DNAJC5B: variants seen among roughly 807,000 people sequenced by gnomAD.
DNAJC5B encodes dnaJ homolog subfamily C member 5B.
Under a neutral mutation model 24.7 loss-of-function variants are expected in DNAJC5B, and 23 were observed. The observed-to-expected ratio is 0.93, with a 90% CI of 0.67 to 1.32. DNAJC5B has a LOEUF of 1.32. Among genes scored for constraint, DNAJC5B ranks in the 40% most tolerant of loss-of-function variants. DNAJC5B has a pLI of 0.00. For missense variants in DNAJC5B, 238 were observed against 240.8 expected (o/e 0.99, Z 0.08); for synonymous variants, 101 against 90.1 (o/e 1.12, Z -0.68).
At chr8:66,080,889 G>T (rs565168507) in intron 5 of DNAJC5B, among the ~76,000 whole-genome samples, 1 of 152,272 alleles carries the variant, frequency 6.6e-6, no homozygotes, top group South Asian at 2.1e-4. Flanking sequence ...AACCAAGGTA[G>T]AAATTTTTTC....
chr8:66,073,282 A>G (rs1290649335), intron 3 of DNAJC5B, among the ~76,000 whole-genome samples: 1 of 152,184 alleles, frequency 6.6e-6, no homozygotes, highest in Non-Finnish European at 1.5e-5. Context: ...TTAAATGTCA[A>G]AACCACAAAA....
At chr8:66,080,318 G>T (rs1807563277) in intron 4 of DNAJC5B, 59 bp from the exon 5 acceptor site, 1 of 1,567,294 alleles carries the variant, frequency 6.4e-7, no homozygotes, top group South Asian at 1.2e-5. Flanking sequence ...TGATTTCATG[G>T]GTTCTCCCCT....
chr8:66,085,787 C>T (rs1037416234), intron 5 of DNAJC5B, among the ~76,000 whole-genome samples: 1 of 151,838 alleles, frequency 6.6e-6, no homozygotes, highest in Non-Finnish European at 1.5e-5. Flanking sequence ...AGTATCTTTG[C>T]TTTTCCATAT....
In DNAJC5B at chr8:66,080,368, T is replaced by A. The variant is rs1181546995; in HGVS notation, c.334-9T>A. 1 of 1,608,734 alleles carries A rather than the reference T, an allele frequency of 6.2e-7. No individual in the cohort carries two copies. Among genetic ancestry groups the A allele is most frequent in the South Asian group, 1.1e-5 (1 of 90,214 alleles). ...TCATCCTCATTTTGCTTTACCTCTG[T>A]TTCCCTAGGCCCTGTTTGTCATCGT... On this transcript the variant is annotated splice_polypyrimidine_tract_variant and intron_variant, in intron 4 of 5. Coordinates refer to ENST00000276570, the MANE Select transcript of DNAJC5B (RefSeq NM_033105.6).
chr8:66,015,818 G>A, the DNAJC5B span, among the ~76,000 whole-genome samples: 11,894 of 152,138 alleles, frequency 0.078, 567 homozygotes, highest in African/African-American at 0.14. Context: ...AGTTTTTTGC[G>A]GAGGAGATGA....
intron 3 of DNAJC5B, among the ~76,000 whole-genome samples, chr8:66,069,143 C>G (rs947861716): frequency 4.0e-5 from 6 of 150,862 alleles, no homozygotes; most frequent in African/African-American, 1.5e-4. Flanking sequence ...AACAAGAAGG[C>G]AAGAAAGGAA....
At chr8:66,065,165 A>G (rs1177866871) in intron 3 of DNAJC5B, among the ~76,000 whole-genome samples, 3 of 152,236 alleles carry the variant, frequency 2.0e-5, no homozygotes, top group Admixed American at 6.5e-5. Flanking sequence ...GAAAAGACCA[A>G]TTCTCTGAAA....
chr8:66,037,441 G>A (rs549147905), intron 1 of DNAJC5B, among the ~76,000 whole-genome samples: 6 of 152,182 alleles, frequency 3.9e-5, no homozygotes, highest in Non-Finnish European at 8.8e-5. Context: ...GAGAGACCAC[G>A]TGGGAGAGGT....
intron 1 of DNAJC5B, among the ~76,000 whole-genome samples, chr8:66,023,951 G>A (rs1255208138): frequency 6.6e-6 from 1 of 152,124 alleles, no homozygotes; most frequent in Non-Finnish European, 1.5e-5. Context: ...TATTGCAAAT[G>A]TACTAATATC....
intron 2 of DNAJC5B, among the ~76,000 whole-genome samples, chr8:66,049,909 T>C (rs1806809899): frequency 6.6e-6 from 1 of 152,204 alleles, no homozygotes; most frequent in African/African-American, 2.4e-5. Context: ...TTTTATTTTA[T>C]GACATAGATG....
At chr8:66,023,100 T>C (rs1044550324) in intron 1 of DNAJC5B, among the ~76,000 whole-genome samples, 5 of 152,178 alleles carry the variant, frequency 3.3e-5, no homozygotes, top group African/African-American at 1.2e-4. Flanking sequence ...AGATCATCCA[T>C]TCCACAGCTT....
chr8:66,033,490 C>G (rs559065371), intron 1 of DNAJC5B, among the ~76,000 whole-genome samples: 2 of 152,302 alleles, frequency 1.3e-5, no homozygotes, highest in South Asian at 4.1e-4. Context: ...CATGTAAGCC[C>G]TCAGCACTGG....
At chr8:66,032,861 C>A (rs914617144) in intron 1 of DNAJC5B, among the ~76,000 whole-genome samples, 1 of 152,170 alleles carries the variant, frequency 6.6e-6, no homozygotes, top group Non-Finnish European at 1.5e-5. Context: ...ACTATGAGCC[C>A]CTAAATAAAT....
chr8:66,041,902 C>T (rs1409347322), intron 1 of DNAJC5B, among the ~76,000 whole-genome samples: 1 of 152,186 alleles, frequency 6.6e-6, no homozygotes, highest in Non-Finnish European at 1.5e-5. Context: ...CCTTTAATTT[C>T]TCCGACTTAA....
chr8:66,059,849 G>A (rs1267561433), intron 3 of DNAJC5B, among the ~76,000 whole-genome samples: 2 of 152,202 alleles, frequency 1.3e-5, no homozygotes, highest in East Asian at 3.9e-4. Flanking sequence ...CAGCTCCCCT[G>A]CCACTCAGCT....
chr8:66,044,502 C>T (rs1341822331), intron 2 of DNAJC5B, among the ~76,000 whole-genome samples: 4 of 151,574 alleles, frequency 2.6e-5, no homozygotes, highest in Non-Finnish European at 4.4e-5. Flanking sequence ...CATTTCAACA[C>T]GAAAGATTTA....
chr8:66,083,471 A>G (rs1022170892), intron 5 of DNAJC5B, among the ~76,000 whole-genome samples: 2 of 152,204 alleles, frequency 1.3e-5, no homozygotes, highest in Non-Finnish European at 2.9e-5. Context: ...TGTCAAATTC[A>G]GGAAAACACC....
chr8:66,043,857 C>T (rs1233316441), intron 2 of DNAJC5B, among the ~76,000 whole-genome samples: 1 of 144,228 alleles, frequency 6.9e-6, no homozygotes, highest in Admixed American at 7.0e-5. Flanking sequence ...GATGGGGTCT[C>T]ACTCTGTCAC....
At chr8:66,067,014 A>G (rs1056920914) in intron 3 of DNAJC5B, among the ~76,000 whole-genome samples, 4 of 148,064 alleles carry the variant, frequency 2.7e-5, no homozygotes, top group South Asian at 4.2e-4. Context: ...TTTGGCTCAT[A>G]TGTGTAACAG....
Sources: gnomAD v4.1 joint callset for allele counts (sites outside exome capture counted in the v4.1 genomes callset) on GRCh38, gnomAD v4.1.1 for gene constraint, MANE v1.5 for transcripts, NCBI Gene and HGNC (gene_info 2026-07-23, HGNC 2026-07-21) for gene names.